Variants in DENND5B observed in about 807,000 individuals in gnomAD.
The protein encoded by DENND5B is DENN domain-containing protein 5B.
In DENND5B, 34 loss-of-function variants were observed where a neutral mutation model predicts 140.6. The ratio of observed to expected loss-of-function variants is 0.24; its 90% CI spans 0.18 to 0.32. DENND5B has a LOEUF of 0.32. DENND5B is among the 10% of genes least tolerant of loss of function. DENND5B has a pLI of 1.00. For synonymous variants in DENND5B, 551 were observed against 562.1 expected, an observed-to-expected ratio of 0.98 and a Z score of 0.28; for missense variants, 1,142 against 1,560.2, an observed-to-expected ratio of 0.73 and a Z score of 4.52.
At chr12:31,487,188 A>G (rs1946340961) in intron 2 of DENND5B, among the ~76,000 whole-genome samples, 1 of 152,242 alleles carries the variant, frequency 6.6e-6, no homozygotes, top group African/African-American at 2.4e-5. Context: ...TCTTTTACAT[A>G]TTAAATTACT....
chr12:31,579,023 G>A (rs1318915680), intron 1 of DENND5B, among the ~76,000 whole-genome samples: 1 of 152,130 alleles, frequency 6.6e-6, no homozygotes, highest in Non-Finnish European at 1.5e-5. Flanking sequence ...GATTACTTCT[G>A]ACTTAATAAT....
At chr12:31,443,202 A>T (rs1033334895) in intron 6 of DENND5B, among the ~76,000 whole-genome samples, 1 of 152,002 alleles carries the variant, frequency 6.6e-6, no homozygotes, top group African/African-American at 2.4e-5. Flanking sequence ...CAGCCTCCCA[A>T]CTAGCTGAGA....
Position 31,384,292 on chromosome 12 carries a change from G to A in DENND5B, c.*3311C>T, listed in dbSNP as rs932644918. The A allele has an allele frequency of 3.3e-5, 5 of 152,018 alleles. No individual in the cohort carries two copies. Among genetic ancestry groups the A allele is most frequent in the South Asian group, 4.2e-4 (2 of 4,818 alleles). 9.4% of individuals were successfully genotyped at this position (152,018 alleles called of 1,614,324 possible). A position where few individuals can be genotyped will look rare whatever the true frequency, so the allele number is the denominator to read the frequency against. ...CCTGCCTTGGCTTCCCAAGCAGCTGGGACTACAGGTGTGTACTGCCATGCC... is the reference window on the plus strand; with the variant it reads ...CCTGCCTTGGCTTCCCAAGCAGCTGAGACTACAGGTGTGTACTGCCATGCC... On this transcript the variant is annotated 3_prime_UTR_variant, in exon 21 of 21. Transcript: ENST00000389082.
intron 1 of DENND5B, among the ~76,000 whole-genome samples, chr12:31,552,442 C>T (rs1483405243): frequency 2.6e-5 from 4 of 152,100 alleles, no homozygotes; most frequent in East Asian, 1.9e-4. Flanking sequence ...AGCTTTTTGA[C>T]GTGCTGCTGG....
intron 1 of DENND5B, among the ~76,000 whole-genome samples, chr12:31,544,605 A>C (rs1446658725): frequency 6.6e-6 from 1 of 152,194 alleles, no homozygotes; most frequent in African/African-American, 2.4e-5. Flanking sequence ...AAATCTATGA[A>C]TATGAATAGA....
In DENND5B at chr12:31,387,199, G is replaced by GAAA; in HGVS notation, c.*401_*403dup. 1 of 151,970 alleles carries GAAA rather than the reference G, an allele frequency of 6.6e-6. No individual in the cohort carries two copies. The highest frequency in any genetic ancestry group is 2.0e-4 in the South Asian group (1 of 4,922). The allele number at this position is 151,970 out of a possible 1,614,324, so 9.4% of individuals were successfully genotyped here. Reference sequence around the variant, plus strand: ...TCTGGGTTTCTTTGTGATACCTGGAGAAAAAAAAAAGCCCGACTGGGTTGC... The same window carrying GAAA: ...TCTGGGTTTCTTTGTGATACCTGGAGAAAAAAAAAAAAAGCCCGACTGGGTTGC... On this transcript the variant is annotated 3_prime_UTR_variant, in exon 21 of 21. Transcript: ENST00000389082.
intron 3 of DENND5B, among the ~76,000 whole-genome samples, chr12:31,468,904 A>G (rs544883474): frequency 3.3e-4 from 50 of 152,320 alleles, no homozygotes; most frequent in African/African-American, 1.2e-3. Flanking sequence ...CAGTATTAGG[A>G]ATGAAAAGGA....
At chr12:31,473,904 G>C (rs1360092111) in intron 3 of DENND5B, among the ~76,000 whole-genome samples, 1 of 152,126 alleles carries the variant, frequency 6.6e-6, no homozygotes, top group East Asian at 1.9e-4. Context: ...ACTGACTTTG[G>C]AACTGTAGGA....
At chr12:31,409,992 T>G (rs554229143) in intron 13 of DENND5B, among the ~76,000 whole-genome samples, 8 of 152,278 alleles carry the variant, frequency 5.3e-5, no homozygotes, top group Non-Finnish European at 8.8e-5. Flanking sequence ...CCTTTAATCT[T>G]GAAAAAATAG....
chr12:31,452,013 G>A lies in DENND5B; in HGVS notation c.1556C>T (p.Ala519Val). The change falls in exon 5 of 21, where the codon GCA becomes GTA. Residue 519 changes from alanine (A) to valine (V), a missense_variant. Physicochemically the swap from Ala to Val is moderately conservative, Grantham distance 64. Coordinates refer to ENST00000389082, the MANE Select transcript of DENND5B (RefSeq NM_144973.4). ...GTCCTGGGCAGTCTGAATGACAAAT[G>A]CTTCGTAATCTGCAAACATCTGTGT... ...RFTQMFADYE[A>V]FVIQTAQDME... 6.2e-7 allele frequency: 1 copy of A among 1,613,668 alleles called. No individual in the cohort carries two copies. The highest frequency in any genetic ancestry group is 8.5e-7 in the Non-Finnish European group (1 of 1,179,832).
intron 1 of DENND5B, among the ~76,000 whole-genome samples, chr12:31,539,596 A>G (rs1262756639): frequency 6.6e-6 from 1 of 152,194 alleles, no homozygotes; most frequent in East Asian, 1.9e-4. Context: ...TCAATCTGAT[A>G]TATCATCATA....
chr12:31,578,844 T>C (rs1854554299), intron 1 of DENND5B, among the ~76,000 whole-genome samples: 1 of 152,176 alleles, frequency 6.6e-6, no homozygotes, highest in African/African-American at 2.4e-5. Context: ...CTATGGCCTT[T>C]CCTGTCTTTG....
In DENND5B at chr12:31,474,710, G is replaced by A. The variant is rs549825069; in HGVS notation, c.904+4879C>T. 7.9e-5 allele frequency among the ~76,000 whole-genome samples: 12 copies of A among 152,230 alleles called. No homozygotes were observed. The South Asian group carries it at 2.3e-3, about 29-fold the overall frequency. ...GTGAGTAAGAAATGAAGTATCACAT[G>A]TTATTAAAACCCCCTTAACACAGTT... On this transcript the variant is annotated intron_variant, in intron 3 of 20. Coordinates refer to ENST00000389082, the MANE Select transcript of DENND5B (RefSeq NM_144973.4).
chr12:31,387,601 G>A lies in DENND5B; in HGVS notation c.*2C>T, dbSNP rs759650798. The A allele has an allele frequency of 8.7e-6, 14 of 1,612,088 alleles. No individual in the cohort carries two copies. The South Asian group carries it at 1.5e-4, about 18-fold the overall frequency. On this transcript the variant is annotated 3_prime_UTR_variant, in exon 21 of 21. Transcript: ENST00000389082. ...TGGACTGAGAGTTTCTAGCCAGTTG[G>A]GTTACACATCCACTCCTTTGATGAG...
rs748336040 is a variant in DENND5B at position 31,415,468 on chromosome 12, C to T, written c.2471-20G>A. ...GGGCAACTATGTAGAAAAATATCAA[C>T]AAAATATTAGAAAAGTAATAAAAAA... is the stretch of plus-strand genomic sequence containing the variant. On this transcript the variant is annotated intron_variant, in intron 11 of 20. Coordinates refer to ENST00000389082, the MANE Select transcript of DENND5B (RefSeq NM_144973.4). 6.4e-7 allele frequency: 1 copy of T among 1,553,782 alleles called. No homozygotes were observed. Among genetic ancestry groups the T allele is most frequent in the African/African-American group, 1.4e-5 (1 of 72,732 alleles).
intron 1 of DENND5B, among the ~76,000 whole-genome samples, chr12:31,546,619 G>A (rs1050662706): frequency 3.3e-5 from 5 of 152,180 alleles, no homozygotes; most frequent in African/African-American, 1.2e-4. Flanking sequence ...CCAGGAGGCA[G>A]ATGTTGTAGT....
At chr12:31,535,439 T>TACACAC (rs748925730) in intron 1 of DENND5B, among the ~76,000 whole-genome samples, 3 of 149,766 alleles carry the variant, frequency 2.0e-5, no homozygotes, top group Non-Finnish European at 4.5e-5. Flanking sequence ...TATATACACA[T>TACACAC]ACACACACAC....
At chr12:31,579,700 AAGAG>A (rs1437634217) in intron 1 of DENND5B, among the ~76,000 whole-genome samples, 1 of 133,670 alleles carries the variant, frequency 7.5e-6, no homozygotes, top group Non-Finnish European at 1.6e-5. Flanking sequence ...GAAAAGGAGA[AAGAG>A]AGAAAGAGTG....
chr12:31,552,286 T>C (rs1949095732), intron 1 of DENND5B, among the ~76,000 whole-genome samples: 1 of 152,196 alleles, frequency 6.6e-6, no homozygotes, highest in South Asian at 2.1e-4. Flanking sequence ...GCTGCTGAAT[T>C]TTGTCAAAGG....
Sources: allele counts gnomAD v4.1 joint callset (sites outside exome capture counted in the v4.1 genomes callset), GRCh38; gene constraint gnomAD v4.1.1; transcripts MANE v1.5; gene names NCBI Gene and HGNC (gene_info 2026-07-23, HGNC 2026-07-21).